DCAF6: variants seen among roughly 807,000 people sequenced by gnomAD.
DCAF6 encodes the protein DDB1 and CUL4 associated factor 6.
Under a neutral mutation model 125.1 loss-of-function variants are expected in DCAF6, and 54 were observed. The ratio of observed to expected loss-of-function variants is 0.43; its 90% CI spans 0.35 to 0.54. DCAF6 has a LOEUF of 0.54. DCAF6 is among the 20% of genes least tolerant of loss of function. The pLI is 0.01. For missense variants in DCAF6, 934 were observed against 1,161.7 expected (o/e 0.80, Z 2.85); for synonymous variants, 371 against 390.4 (o/e 0.95, Z 0.58).
Position 168,020,882 on chromosome 1 carries a change from A to G in DCAF6, c.1550-2106A>G, listed in dbSNP as rs111385664. Among the ~76,000 whole-genome samples the G allele has an allele frequency of 2.9e-3, 447 of 152,260 alleles. 1 individual carries two copies. The highest frequency in any genetic ancestry group is 0.01 in the African/African-American group (426 of 41,576). ...CTTCCCAAAGGAGTTGTGTGTTCCC[A>G]AGATTACAAATAGAATGAAAGCAGT... On this transcript the variant is annotated intron_variant, in intron 11 of 21. Coordinates refer to ENST00000367840, the MANE Select transcript of DCAF6 (RefSeq NM_001198956.2).
chr1:167,996,292 T>C (rs1681685692), intron 7 of DCAF6, among the ~76,000 whole-genome samples: 1 of 152,160 alleles, frequency 6.6e-6, no homozygotes, highest in Non-Finnish European at 1.5e-5. Flanking sequence ...TCTCTTTTCT[T>C]CTTTTTGACA....
In DCAF6 at chr1:168,007,111, A is replaced by G. The variant is rs75626335; in HGVS notation, c.1378+2318A>G. On this transcript the variant is annotated intron_variant, in intron 10 of 21. Transcript: ENST00000367840. ...ACTTCCAGATTCTAACCTTTCATTC[A>G]CAATGAAAAGTACTCGTTTTCCTAC... Among the ~76,000 whole-genome samples, 1,079 of 152,266 alleles carry G rather than the reference A, an allele frequency of 7.1e-3. 13 individuals carry two copies. Among genetic ancestry groups the G allele is most frequent in the African/African-American group, 0.024 (1,010 of 41,540 alleles).
At chr1:167,964,398 G>T (rs1447624462) in intron 2 of DCAF6, among the ~76,000 whole-genome samples, 1 of 152,188 alleles carries the variant, frequency 6.6e-6, no homozygotes, top group Non-Finnish European at 1.5e-5. Context: ...CATGATTTCT[G>T]AGGAGATGTT....
chr1:167,945,716 G>A (rs1260534205), intron 1 of DCAF6, among the ~76,000 whole-genome samples: 2 of 151,898 alleles, frequency 1.3e-5, no homozygotes, highest in Non-Finnish European at 2.9e-5. Flanking sequence ...TGGCCAGGAT[G>A]GTCTCGATCT....
the DCAF6 span, among the ~76,000 whole-genome samples, chr1:167,887,713 A>C: frequency 6.6e-6 from 1 of 151,664 alleles, no homozygotes; most frequent in Non-Finnish European, 1.5e-5. Flanking sequence ...AAATAAATAA[A>C]TATAAAAATA....
intron 14 of DCAF6, among the ~76,000 whole-genome samples, chr1:168,043,612 A>G (rs147550773): frequency 3.7e-4 from 56 of 152,316 alleles, no homozygotes; most frequent in African/African-American, 1.2e-3. Flanking sequence ...TGACAATTAC[A>G]TGAAATTTAA....
intron 5 of DCAF6, among the ~76,000 whole-genome samples, chr1:167,990,329 C>T (rs1321041421): frequency 6.6e-6 from 1 of 151,012 alleles, no homozygotes; most frequent in African/African-American, 2.4e-5. Context: ...GATCACACCA[C>T]TGTAAGCCTG....
Position 168,050,953 on chromosome 1 carries a change from C to A in DCAF6, c.2300+20C>A. ...AATGAGGTAATTCAGTATGTTCCTTCATAATTTTTTTTTTATGATGGATTT... is the reference window on the plus strand; with the variant it reads ...AATGAGGTAATTCAGTATGTTCCTTAATAATTTTTTTTTTATGATGGATTT... On this transcript the variant is annotated intron_variant, in intron 17 of 21. Coordinates refer to ENST00000367840, the MANE Select transcript of DCAF6 (RefSeq NM_001198956.2). 1 of 1,333,040 alleles carries A rather than the reference C, an allele frequency of 7.5e-7. No homozygotes were observed. The highest frequency in any genetic ancestry group is 9.9e-7 in the Non-Finnish European group (1 of 1,010,066). The allele number at this position is 1,333,040 out of a possible 1,614,324, so 82.6% of individuals were successfully genotyped here.
chr1:168,012,504 G>A (rs1684442681), intron 10 of DCAF6, among the ~76,000 whole-genome samples: 2 of 152,204 alleles, frequency 1.3e-5, no homozygotes, highest in South Asian at 4.1e-4. Context: ...TTTGGGTCAT[G>A]TTGACAAAAG....
intron 12 of DCAF6, among the ~76,000 whole-genome samples, chr1:168,031,177 G>A (rs1687035160): frequency 6.6e-6 from 1 of 151,974 alleles, no homozygotes; most frequent in Non-Finnish European, 1.5e-5. Flanking sequence ...ATTTTAACTA[G>A]GATGAAAGTA....
intron 17 of DCAF6, among the ~76,000 whole-genome samples, chr1:168,056,917 T>C (rs1343563539): frequency 1.3e-5 from 2 of 152,214 alleles, no homozygotes; most frequent in East Asian, 3.8e-4. Flanking sequence ...CTGTGTGTTT[T>C]GCACAGTAAA....
At chr1:167,900,824 A>C in the DCAF6 span, among the ~76,000 whole-genome samples, 7 of 152,170 alleles carry the variant, frequency 4.6e-5, no homozygotes, top group Admixed American at 4.6e-4. Flanking sequence ...GAGCCACTGC[A>C]CCTGGCCTTA....
chr1:168,050,894 T>A lies in DCAF6; in HGVS notation c.2261T>A (p.Phe754Tyr), dbSNP rs919244341. Reference sequence around the variant, plus strand: ...AGTTATTGTGTTCCCTTCACTAGATTTAATATCAGAGGAACAACAATAGGT... The same window carrying A: ...AGTTATTGTGTTCCCTTCACTAGATATAATATCAGAGGAACAACAATAGGT... ...ARYRAGPGDR[F>Y]NIRGTTIGDR... The change falls in exon 17 of 22, where the codon TTT (phenylalanine) becomes TAT (tyrosine). Residue 754 changes from phenylalanine to tyrosine, a missense_variant and splice_region_variant. This residue lies in a region of DCAF6 where 559 missense variants were observed against 635.5 expected (regional missense o/e 0.88). Transcript: ENST00000367840. 1 of 1,373,170 alleles carries A rather than the reference T, an allele frequency of 7.3e-7. No individual in the cohort carries two copies. The highest frequency in any genetic ancestry group is 9.6e-7 in the Non-Finnish European group (1 of 1,037,428). 85.1% of individuals were successfully genotyped at this position (1,373,170 alleles called of 1,614,324 possible). A position where few individuals can be genotyped will look rare whatever the true frequency, so the allele number is the denominator to read the frequency against.
chr1:168,040,099 C>G lies in DCAF6; in HGVS notation c.1727+1611C>G, dbSNP rs372481187. On this transcript the variant is annotated intron_variant, in intron 13 of 21. Transcript: ENST00000367840. Reference sequence around the variant, plus strand: ...GAGCAGGTAAAAGTGATTGGGAAACCTAGGCATCATTGAGAAGGTGACATT... The same window carrying G: ...GAGCAGGTAAAAGTGATTGGGAAACGTAGGCATCATTGAGAAGGTGACATT... Among the ~76,000 whole-genome samples the G allele has an allele frequency of 1.3e-3, 203 of 151,974 alleles. 2 individuals are homozygous for G. In the South Asian group the frequency reaches 0.022, roughly 17 times the overall value.
intron 7 of DCAF6, among the ~76,000 whole-genome samples, chr1:168,000,283 C>G (rs1682399060): frequency 6.6e-6 from 1 of 152,094 alleles, no homozygotes; most frequent in African/African-American, 2.4e-5. Flanking sequence ...GATCACAGAT[C>G]ACCATAATAG....
At chr1:168,026,200 G>A (rs1686318603) in intron 12 of DCAF6, among the ~76,000 whole-genome samples, 1 of 152,008 alleles carries the variant, frequency 6.6e-6, no homozygotes, top group South Asian at 2.1e-4. Flanking sequence ...TTATTTAGGG[G>A]ATTGTTTAAT....
At chr1:167,886,398 T>C in the DCAF6 span, among the ~76,000 whole-genome samples, 1 of 151,962 alleles carries the variant, frequency 6.6e-6, no homozygotes, top group Non-Finnish European at 1.5e-5. Context: ...ATACCACACA[T>C]CTACAACCAT....
chr1:168,062,250 A>G (rs1395408182), intron 17 of DCAF6, among the ~76,000 whole-genome samples: 1 of 152,184 alleles, frequency 6.6e-6, no homozygotes, highest in Non-Finnish European at 1.5e-5. Flanking sequence ...AAGGGACAGT[A>G]ATGATGGAAA....
intron 3 of DCAF6, among the ~76,000 whole-genome samples, chr1:167,972,897 A>T (rs544471892): frequency 1.3e-5 from 2 of 152,318 alleles, no homozygotes; most frequent in East Asian, 3.9e-4. Flanking sequence ...AATGCTTTTC[A>T]ATTTATGAGT....
Sources: gnomAD v4.1 joint callset for allele counts (sites outside exome capture counted in the v4.1 genomes callset) on GRCh38, gnomAD v4.1.1 for gene constraint, gnomAD v4.1.1 regional missense constraint, MANE v1.5 for transcripts, NCBI Gene and HGNC (gene_info 2026-07-23, HGNC 2026-07-21) for gene names.